The following NALF1 variants were observed in gnomAD, a reference collection of about 807,000 sequenced individuals.
The protein encoded by NALF1 is family with sequence similarity 155 member A.
NALF1 carries 3 observed loss-of-function variants against 48.4 expected under a neutral mutation model. That is an observed-to-expected ratio of 0.06 (90% CI 0.03 to 0.16). NALF1 has a LOEUF of 0.16. Ranked by LOEUF, NALF1 falls within the 10% of genes least tolerant of loss-of-function variation. The pLI is 1.00. For synonymous variants in NALF1, 262 were observed against 245.7 expected, an observed-to-expected ratio of 1.07 and a Z score of -0.62; for missense variants, 526 against 571.5, an observed-to-expected ratio of 0.92 and a Z score of 0.81.
chr13:107,374,019 T>G (rs946419795), intron 1 of NALF1, among the ~76,000 whole-genome samples: 1 of 152,258 alleles, frequency 6.6e-6, no homozygotes, highest in African/African-American at 2.4e-5. Flanking sequence ...GGACGTTTTC[T>G]TTGTAATGAA....
intron 1 of NALF1, among the ~76,000 whole-genome samples, chr13:107,742,215 C>T (rs537398001): frequency 2.6e-5 from 4 of 152,248 alleles, no homozygotes; most frequent in Non-Finnish European, 4.4e-5. Flanking sequence ...ACTACCACCC[C>T]GGCTATTCAT....
At chr13:107,621,010 T>C (rs942011417) in intron 1 of NALF1, among the ~76,000 whole-genome samples, 1 of 151,838 alleles carries the variant, frequency 6.6e-6, no homozygotes, top group Non-Finnish European at 1.5e-5. Context: ...GTGTGTGTGT[T>C]AACTTCAGTA....
At chr13:107,780,913 G>A (rs1421162786) in intron 1 of NALF1, among the ~76,000 whole-genome samples, 1 of 152,114 alleles carries the variant, frequency 6.6e-6, no homozygotes, top group Non-Finnish European at 1.5e-5. Flanking sequence ...GAAAAATGGA[G>A]ACCAAGTTTT....
chr13:107,577,715 C>T (rs562429669), intron 1 of NALF1, among the ~76,000 whole-genome samples: 1 of 152,078 alleles, frequency 6.6e-6, no homozygotes, highest in Admixed American at 6.6e-5. Context: ...TTTTCTGTGA[C>T]CTGTATGTTG....
chr13:107,595,297 A>G (rs569807881), intron 1 of NALF1, among the ~76,000 whole-genome samples: 42 of 152,286 alleles, frequency 2.8e-4, no homozygotes, highest in African/African-American at 9.9e-4. Flanking sequence ...TATTCTAATC[A>G]TAAGAAACAC....
intron 1 of NALF1, among the ~76,000 whole-genome samples, chr13:107,509,145 G>A (rs1875799496): frequency 6.6e-6 from 1 of 152,018 alleles, no homozygotes; most frequent in Non-Finnish European, 1.5e-5. Context: ...ATACAAAAGT[G>A]ATTTGAGATT....
At chr13:107,788,020 G>A (rs1238992840) in intron 1 of NALF1, among the ~76,000 whole-genome samples, 1 of 152,178 alleles carries the variant, frequency 6.6e-6, no homozygotes, top group African/African-American at 2.4e-5. Flanking sequence ...CGTGTCCTGA[G>A]TTGACTTCAC....
intron 1 of NALF1, among the ~76,000 whole-genome samples, chr13:107,725,766 C>T (rs888073020): frequency 6.6e-6 from 1 of 151,534 alleles, no homozygotes; most frequent in Non-Finnish European, 1.5e-5. Context: ...TGATTGTATT[C>T]GGTAGACAAA....
intron 1 of NALF1, among the ~76,000 whole-genome samples, chr13:107,865,267 T>C (rs1436004959): frequency 6.6e-6 from 1 of 152,188 alleles, no homozygotes; most frequent in Non-Finnish European, 1.5e-5. Flanking sequence ...AGATCTATAT[T>C]GCAAACCACA....
intron 1 of NALF1, among the ~76,000 whole-genome samples, chr13:107,243,449 C>T (rs1880518106): frequency 6.6e-6 from 1 of 152,206 alleles, no homozygotes; most frequent in Non-Finnish European, 1.5e-5. Context: ...GCACGTATCA[C>T]AATGCATGCC....
At chr13:107,339,303 C>T (rs1465042014) in intron 1 of NALF1, among the ~76,000 whole-genome samples, 2 of 152,082 alleles carry the variant, frequency 1.3e-5, no homozygotes, top group Non-Finnish European at 2.9e-5. Context: ...ATGTGGTTAA[C>T]TTTCCCTAGG....
chr13:107,322,210 C>A (rs1185884722), intron 1 of NALF1, among the ~76,000 whole-genome samples: 1 of 152,112 alleles, frequency 6.6e-6, no homozygotes, highest in African/African-American at 2.4e-5. Flanking sequence ...TCCTCTTCAA[C>A]AACATTTTCT....
chr13:107,726,899 C>T (rs566458240), intron 1 of NALF1, among the ~76,000 whole-genome samples: 52 of 143,562 alleles, frequency 3.6e-4, no homozygotes, highest in African/African-American at 1.3e-3. Context: ...ACACCACGCC[C>T]GGCCGGCAAA....
intron 2 of NALF1, among the ~76,000 whole-genome samples, chr13:107,171,348 A>G (rs760500991): frequency 5.3e-5 from 8 of 152,204 alleles, no homozygotes; most frequent in Non-Finnish European, 8.8e-5. Context: ...TTTTCTAAAC[A>G]TTTCTCTTAT....
intron 1 of NALF1, among the ~76,000 whole-genome samples, chr13:107,503,249 C>T (rs187507864): frequency 1.6e-4 from 24 of 152,012 alleles, no homozygotes; most frequent in Admixed American, 1.2e-3. Flanking sequence ...AACATTTTAA[C>T]GGGCCCTTCA....
chr13:107,695,222 TA>T (rs1399963938), intron 1 of NALF1, among the ~76,000 whole-genome samples: 11 of 152,168 alleles, frequency 7.2e-5, no homozygotes, highest in Non-Finnish European at 1.6e-4. Flanking sequence ...TAGAAGGAAT[TA>T]AAATCAGAAA....
At chr13:107,249,429 A>G (rs9587326) in intron 1 of NALF1, among the ~76,000 whole-genome samples, 6 of 152,148 alleles carry the variant, frequency 3.9e-5, no homozygotes, top group African/African-American at 1.4e-4. Flanking sequence ...TAAAATTGCA[A>G]AAGAAAATGC....
chr13:107,256,081 T>C (rs1880808064), intron 1 of NALF1, among the ~76,000 whole-genome samples: 2 of 152,216 alleles, frequency 1.3e-5, no homozygotes, highest in South Asian at 4.1e-4. Flanking sequence ...AGCCCATTTT[T>C]AAATTTTAAT....
At chr13:107,211,243 T>G (rs568227725) in intron 1 of NALF1, among the ~76,000 whole-genome samples, 1 of 152,280 alleles carries the variant, frequency 6.6e-6, no homozygotes, top group Non-Finnish European at 1.5e-5. Flanking sequence ...GAAACTGCTG[T>G]TTAGATCTTG....
Sources: gnomAD v4.1 joint callset for allele counts (sites outside exome capture counted in the v4.1 genomes callset) on GRCh38, gnomAD v4.1.1 for gene constraint, MANE v1.5 for transcripts, NCBI Gene and HGNC (gene_info 2026-07-23, HGNC 2026-07-21) for gene names.